DNAJB6: variants seen among roughly 807,000 people sequenced by gnomAD.
DNAJB6 encodes the protein dnaJ homolog subfamily B member 6.
In DNAJB6, 16 loss-of-function variants were observed where a neutral mutation model predicts 42.7. That is an observed-to-expected ratio of 0.37 (90% CI 0.25 to 0.57). DNAJB6 has a LOEUF of 0.57. Among genes scored for constraint, DNAJB6 ranks in the 20% least tolerant of loss-of-function variants. The pLI, the probability that DNAJB6 is intolerant of heterozygous loss-of-function variation, is 0.74. For synonymous variants in DNAJB6, 170 were observed against 163.5 expected, an observed-to-expected ratio of 1.04 and a Z score of -0.30; for missense variants, 347 against 416.8, an observed-to-expected ratio of 0.83 and a Z score of 1.46.
At chr7:157,409,673 T>C (rs982941750) in intron 8 of DNAJB6, 122 bp from the exon 9 acceptor site, 4 of 1,121,888 alleles carry the variant, frequency 3.6e-6, no homozygotes, top group Admixed American at 2.9e-5. Flanking sequence ...CTCTTTCTCC[T>C]GCCCGGAGAT....
intron 8 of DNAJB6, among the ~76,000 whole-genome samples, chr7:157,404,179 G>T (rs1563150318): frequency 1.3e-5 from 2 of 151,814 alleles, no homozygotes; most frequent in African/African-American, 4.8e-5. Context: ...ATGTTGCCCA[G>T]GCTGGTCTCA....
At chr7:157,339,598 CTTTTGTGTGT>C (rs1455263600) in intron 1 of DNAJB6, among the ~76,000 whole-genome samples, 299 of 134,308 alleles carry the variant, frequency 2.2e-3, no homozygotes, top group Admixed American at 3.5e-3. Flanking sequence ...CGCGCCCGGC[CTTTTGTGTGT>C]GTGTGTGTGT....
intron 5 of DNAJB6, chr7:157,381,857 A>G (rs562631762): frequency 8.7e-4 from 139 of 159,728 alleles, no homozygotes; most frequent in African/African-American, 3.2e-3. Flanking sequence ...TCCAAGGAAT[A>G]CAACAGCTGC....
intron 8 of DNAJB6, among the ~76,000 whole-genome samples, chr7:157,397,037 A>G (rs1329308605): frequency 1.3e-5 from 2 of 152,034 alleles, no homozygotes; most frequent in African/African-American, 4.8e-5. Context: ...CGGCTGAGGG[A>G]TGCTGTCCAC....
intron 1 of DNAJB6, among the ~76,000 whole-genome samples, chr7:157,348,897 T>C (rs1462759779): frequency 6.6e-6 from 1 of 152,212 alleles, no homozygotes; most frequent in African/African-American, 2.4e-5. Context: ...CTGTTACTTG[T>C]GTGTGGAATA....
intron 1 of DNAJB6, among the ~76,000 whole-genome samples, chr7:157,344,646 G>T (rs1798592856): frequency 6.6e-6 from 1 of 151,886 alleles, no homozygotes; most frequent in Admixed American, 6.6e-5. Context: ...ACAGGGTCTT[G>T]CTCCGTTACG....
intron 1 of DNAJB6, among the ~76,000 whole-genome samples, chr7:157,353,619 G>GTGTGTGTGTGTGTGTGTGTGTGTGTGTA (rs765489885): frequency 6.8e-6 from 1 of 146,890 alleles, no homozygotes; most frequent in African/African-American, 2.6e-5. Flanking sequence ...GTGTGTGTGT[G>GTGTGTGTGTGTGTGTGTGTGTGTGTGTA]TGTATGTATT....
At chr7:157,411,592 G>A (rs1296691010) in intron 9 of DNAJB6, 1 of 152,344 alleles carries the variant, frequency 6.6e-6, no homozygotes, top group Non-Finnish European at 1.5e-5. Flanking sequence ...TAGCTGTAGT[G>A]TCCCTGAACC....
At chr7:157,403,718 G>T (rs2117182830) in intron 8 of DNAJB6, among the ~76,000 whole-genome samples, 1 of 152,328 alleles carries the variant, frequency 6.6e-6, no homozygotes, top group Non-Finnish European at 1.5e-5. Context: ...TTAGCTGAGT[G>T]ATTTTGGGGT....
chr7:157,337,217 C>A (rs1563101360), intron 1 of DNAJB6, 73 bp downstream of exon 1: 1 of 152,284 alleles, frequency 6.6e-6, no homozygotes, highest in African/African-American at 2.4e-5. Flanking sequence ...GCGGACCTCA[C>A]CCGGCGCCTG....
chr7:157,347,335 C>T (rs564766256), intron 1 of DNAJB6, among the ~76,000 whole-genome samples: 5 of 152,280 alleles, frequency 3.3e-5, no homozygotes, highest in Non-Finnish European at 5.9e-5. Flanking sequence ...CATAGTGCCA[C>T]GATACAGGCT....
intron 1 of DNAJB6, among the ~76,000 whole-genome samples, chr7:157,354,464 A>T (rs566816251): frequency 1.6e-5 from 2 of 121,772 alleles, no homozygotes; most frequent in Admixed American, 9.0e-5. Flanking sequence ...TTTAGTTTTA[A>T]TTTTTTTTTT....
At chr7:157,376,050 C>T (rs78545453) in intron 5 of DNAJB6, among the ~76,000 whole-genome samples, 1 of 152,296 alleles carries the variant, frequency 6.6e-6, no homozygotes, top group East Asian at 1.9e-4. Context: ...GAAGGGCGAG[C>T]TTAGTGCTGC....
At chr7:157,354,688 G>C (rs900560049) in intron 1 of DNAJB6, among the ~76,000 whole-genome samples, 1 of 152,302 alleles carries the variant, frequency 6.6e-6, no homozygotes, top group African/African-American at 2.4e-5. Context: ...AGGGCAGGAT[G>C]AAATTAGAGG....
chr7:157,384,509 A>C (rs1161401712), intron 6 of DNAJB6, among the ~76,000 whole-genome samples: 1 of 152,178 alleles, frequency 6.6e-6, no homozygotes, highest in African/African-American at 2.4e-5. Context: ...CGGTTCCAGA[A>C]TGTTCACATT....
chr7:157,408,043 G>C (rs1795836060), intron 8 of DNAJB6, among the ~76,000 whole-genome samples: 1 of 152,166 alleles, frequency 6.6e-6, no homozygotes, highest in African/African-American at 2.4e-5. Flanking sequence ...CAGCAGCCCT[G>C]CCACCTGTTT....
At chr7:157,341,009 G>A (rs1344550752) in intron 1 of DNAJB6, among the ~76,000 whole-genome samples, 2 of 67,692 alleles carry the variant, frequency 3.0e-5, no homozygotes, top group South Asian at 4.4e-4. Flanking sequence ...CGCGCGCGCA[G>A]GTGGAATCAC....
chr7:157,397,231 G>C (rs767316874), intron 8 of DNAJB6, among the ~76,000 whole-genome samples: 4 of 152,192 alleles, frequency 2.6e-5, no homozygotes, highest in Non-Finnish European at 5.9e-5. Flanking sequence ...CGCTGAGGTG[G>C]TAACAACAGC....
At chr7:157,369,644 CACATTATTATTAAACAGGCCCCTTCTTA>C (rs1376915733) in intron 5 of DNAJB6, among the ~76,000 whole-genome samples, 9 of 142,844 alleles carry the variant, frequency 6.3e-5, no homozygotes, top group South Asian at 2.1e-4. Flanking sequence ...GCCCTTTCTT[CACATTATTATTAAACAGGCCCCTTCTTA>C]ACATTATTAT....
Sources: gnomAD v4.1 joint callset for allele counts (sites outside exome capture counted in the v4.1 genomes callset) on GRCh38, gnomAD v4.1.1 for gene constraint, MANE v1.5 for transcripts, NCBI Gene and HGNC (gene_info 2026-07-23, HGNC 2026-07-21) for gene names.